Variants in ANKRD36 observed in about 807,000 individuals in gnomAD.
ANKRD36 encodes ankyrin repeat domain-containing protein 36A.
A neutral mutation model predicts 278.1 loss-of-function variants in ANKRD36; 179 were observed. The ratio of observed to expected loss-of-function variants is 0.64; its 90% CI spans 0.57 to 0.73. ANKRD36 has a LOEUF of 0.73. Ranked by LOEUF, ANKRD36 falls within the 30% of genes least tolerant of loss-of-function variation. The pLI is 0.00. For missense variants in ANKRD36, 1,159 were observed against 1,956.7 expected (o/e 0.59, Z 7.69); for synonymous variants, 320 against 641.1 (o/e 0.50, Z 7.57).
intron 27 of ANKRD36, 39 bp downstream of exon 27, chr2:97,183,526 T>C (rs534019372): frequency 4.8e-5 from 74 of 1,552,252 alleles, no homozygotes; most frequent in Middle Eastern, 4.6e-4. Context: ...TTATTTATTT[T>C]ATAGCCTATG....
chr2:97,128,136 A>G lies in ANKRD36; in HGVS notation c.799+1002A>G, dbSNP rs565732017. ...CTGAATGGAGAAGTACAGCTGGTCA[A>G]CAGGGAAGAATAACTTCCCTTTCCT... On this transcript the variant is annotated intron_variant, in intron 6 of 75. Coordinates refer to ENST00000420699, the MANE Select transcript of ANKRD36 (RefSeq NM_001354587.1). 2.6e-5 allele frequency among the ~76,000 whole-genome samples: 4 copies of G among 151,546 alleles called. No individual in the cohort carries two copies. The East Asian group carries it at 7.8e-4, about 29-fold the overall frequency.
chr2:97,231,429 C>A (rs1329627887), intron 67 of ANKRD36, among the ~76,000 whole-genome samples: 7 of 152,154 alleles, frequency 4.6e-5, no homozygotes, highest in African/African-American at 1.4e-4. Flanking sequence ...GGCGCAGGAC[C>A]CTCTGAGCCA....
At chr2:97,200,184 A>C in intron 44 of ANKRD36, 150 bp from the exon 45 acceptor site, 1 of 1,494,258 alleles carries the variant, frequency 6.7e-7, no homozygotes, top group East Asian at 2.4e-5. Flanking sequence ...TATTTCTGTC[A>C]TGTTCTGATC....
chr2:97,206,934 G>A (rs373273528), intron 52 of ANKRD36, among the ~76,000 whole-genome samples: 554 of 151,290 alleles, frequency 3.7e-3, no homozygotes, highest in African/African-American at 0.011. Flanking sequence ...ACTTCTTTAG[G>A]GAACAACATG....
In ANKRD36 at chr2:97,206,218, C is replaced by T. The variant is rs559627381; in HGVS notation, c.3163+83C>T. The T allele has an allele frequency of 3.7e-5, 50 of 1,358,684 alleles. 1 individual carries two copies. Among genetic ancestry groups the T allele is most frequent in the Non-Finnish European group, 6.9e-6 (7 of 1,011,316 alleles). The allele number at this position is 1,358,684 out of a possible 1,614,324, so 84.2% of individuals were successfully genotyped here. A position where few individuals can be genotyped will look rare whatever the true frequency, so the allele number is the denominator to read the frequency against. On this transcript the variant is annotated intron_variant, in intron 52 of 75. Coordinates refer to ENST00000420699, the MANE Select transcript of ANKRD36 (RefSeq NM_001354587.1). Reference sequence around the variant, plus strand: ...TCCCCAAGTAAATCAGCGGGGGGCTCATCGAAGCTGCACTTTCTGATTCAG... The same window carrying T: ...TCCCCAAGTAAATCAGCGGGGGGCTTATCGAAGCTGCACTTTCTGATTCAG...
chr2:97,184,063 G>T (rs1449330812), intron 28 of ANKRD36, among the ~76,000 whole-genome samples: 1 of 151,702 alleles, frequency 6.6e-6, no homozygotes, highest in Non-Finnish European at 1.5e-5. Flanking sequence ...AGACACTGGA[G>T]AATGAGAAAC....
intron 50 of ANKRD36, among the ~76,000 whole-genome samples, 170 bp from the exon 51 acceptor site, chr2:97,205,770 T>G (rs1373243157): frequency 6.6e-6 from 1 of 151,530 alleles, no homozygotes; most frequent in East Asian, 1.9e-4. Context: ...TGTATTCCCT[T>G]TTCTCAGTGT....
Position 97,204,248 on chromosome 2 carries a change from G to C in ANKRD36, c.3046G>C (p.Glu1016Gln). 6.4e-7 allele frequency: 1 copy of C among 1,569,804 alleles called. No individual in the cohort carries two copies. The highest frequency in any genetic ancestry group is 8.6e-7 in the Non-Finnish European group (1 of 1,159,368). Residue 1016 changes from glutamate to glutamine, a missense_variant, in exon 50 of 76, where the codon GAA becomes CAA. Transcript: ENST00000420699. ...LNIARGKKDG[E>Q]KTRTVSSQKP... is the part of the protein sequence containing the mutation. ...TATAGCCAGAGGAAAAAAGGATGGA[G>C]AAAAAACTAGGACAGGTAATTTTGA... is the stretch of plus-strand genomic sequence containing the variant.
intron 42 of ANKRD36, 142 bp from the exon 43 acceptor site, chr2:97,198,321 G>A (rs1254402913): frequency 4.7e-5 from 71 of 1,499,464 alleles, no homozygotes; most frequent in Non-Finnish European, 6.0e-5. Context: ...TCACGTTCTA[G>A]TCCCCAGACA....
Position 97,113,662 on chromosome 2 carries a change from G to C in ANKRD36, c.-78G>C. 1 of 1,591,200 alleles carries C rather than the reference G, an allele frequency of 6.3e-7. No homozygotes were observed. The highest frequency in any genetic ancestry group is 8.6e-7 in the Non-Finnish European group (1 of 1,165,718). ...GGTCCGTGGACAGACTGCTTTGCTC[G>C]TTGTTGCTCTTCGGAGGCGGCGATC... On this transcript the variant is annotated 5_prime_UTR_variant, in exon 1 of 76. Transcript: ENST00000420699.
intron 44 of ANKRD36, 140 bp from the exon 45 acceptor site, chr2:97,200,194 C>A: frequency 6.6e-7 from 1 of 1,525,688 alleles, no homozygotes; most frequent in East Asian, 2.4e-5. Flanking sequence ...ATGTTCTGAT[C>A]CCCAGACACA....
chr2:97,133,685 T>C (rs2040741614), intron 6 of ANKRD36, among the ~76,000 whole-genome samples: 1 of 152,024 alleles, frequency 6.6e-6, no homozygotes, highest in African/African-American at 2.4e-5. Flanking sequence ...TGAGTACATA[T>C]TGCCATAATA....
At chr2:97,182,259 G>A (rs1399833677) in intron 26 of ANKRD36, among the ~76,000 whole-genome samples, 2 of 89,686 alleles carry the variant, frequency 2.2e-5, no homozygotes, top group African/African-American at 5.4e-5. Context: ...AGGCAGGAAG[G>A]AGGGAAAATA....
chr2:97,115,996 G>A (rs1016815564), intron 1 of ANKRD36, among the ~76,000 whole-genome samples: 49 of 151,486 alleles, frequency 3.2e-4, no homozygotes, highest in African/African-American at 9.9e-4. Flanking sequence ...GTTGAGGTGT[G>A]AAGATGTACT....
chr2:97,163,766 G>A, intron 18 of ANKRD36: 1 of 355,044 alleles, frequency 2.8e-6, no homozygotes, highest in Non-Finnish European at 4.0e-6. Flanking sequence ...TAGTAGAGAC[G>A]GGGTTTCACC....
At chr2:97,179,033 G>C (rs966432722) in intron 22 of ANKRD36, among the ~76,000 whole-genome samples, 1 of 151,392 alleles carries the variant, frequency 6.6e-6, no homozygotes, top group Non-Finnish European at 1.5e-5. Flanking sequence ...GTCAAATTTG[G>C]TAATTTATTA....
chr2:97,148,477 G>A (rs1318665548), intron 11 of ANKRD36, among the ~76,000 whole-genome samples: 85 of 149,262 alleles, frequency 5.7e-4, no homozygotes, highest in African/African-American at 2.1e-3. Context: ...TGAATGAAAT[G>A]GAGCTATAAG....
In ANKRD36 at chr2:97,227,749, T is replaced by C. The variant is rs567450922; in HGVS notation, c.3951+2870T>C. Among the ~76,000 whole-genome samples, 75 of 152,236 alleles carry C rather than the reference T, an allele frequency of 4.9e-4. 1 individual carries two copies. The highest frequency in any genetic ancestry group is 9.0e-4 in the Non-Finnish European group (61 of 68,042). On this transcript the variant is annotated intron_variant, in intron 67 of 75. Coordinates refer to ENST00000420699, the MANE Select transcript of ANKRD36 (RefSeq NM_001354587.1). ...GGGAATGCTTCCAGTTTTTGCCCAT[T>C]CAGTATGATATTGGCTGTGGGTTTG...
intron 28 of ANKRD36, among the ~76,000 whole-genome samples, 190 bp downstream of exon 28, chr2:97,183,844 C>T (rs2056817422): frequency 1.3e-5 from 2 of 151,632 alleles, no homozygotes; most frequent in Admixed American, 6.6e-5. Context: ...TAGTAACAAG[C>T]TTGTAGAGTT....
Sources: allele counts gnomAD v4.1 joint callset (sites outside exome capture counted in the v4.1 genomes callset), GRCh38; gene constraint gnomAD v4.1.1; transcripts MANE v1.5; gene names NCBI Gene and HGNC (gene_info 2026-07-23, HGNC 2026-07-21).